ARID1A: variants seen among roughly 807,000 people sequenced by gnomAD.
ARID1A encodes AT-rich interactive domain-containing protein 1A.
A neutral mutation model predicts 212.6 loss-of-function variants in ARID1A; 20 were observed. The ratio of observed to expected loss-of-function variants is 0.09; its 90% confidence interval spans 0.07 to 0.14. The LOEUF is 0.14. Ranked by LOEUF, ARID1A falls within the 10% of genes least tolerant of loss-of-function variation. ARID1A has a pLI of 1.00. For missense variants in ARID1A, 2,587 were observed against 3,059.0 expected (o/e 0.85, Z 3.64); for synonymous variants, 1,376 against 1,222.1 (o/e 1.13, Z -2.63).
rs2124063780 is a variant in ARID1A at position 26,762,237 on chromosome 1, A to G, written c.2337A>G (p.Gly779=). The G allele has an allele frequency of 6.2e-7, 1 of 1,614,058 alleles. No individual in the cohort carries two copies. Among genetic ancestry groups the G allele is most frequent in the Non-Finnish European group, 8.5e-7 (1 of 1,180,006 alleles). The part of the protein sequence containing the change: ...SALSPRQPSG[G]QIHTGMGSYQ... Reference sequence around the variant, plus strand: ...TATCTCCGCGTCAGCCTTCCGGAGGACAGATACACACAGGCATGGGCTCCT... The same window carrying G: ...TATCTCCGCGTCAGCCTTCCGGAGGGCAGATACACACAGGCATGGGCTCCT... Residue 779 remains glycine, a synonymous_variant, in exon 7 of 20, where the codon GGA becomes GGG. Coordinates refer to ENST00000324856, the MANE Select transcript of ARID1A (RefSeq NM_006015.6).
chr1:26,779,054 A>G lies in ARID1A; in HGVS notation c.5156A>G (p.Tyr1719Cys), dbSNP rs925273801. ...GGGTTGCTAGAGCTCCTTGTAGAAT[A>G]TTTCCGACGATGCCTGATTGAGATC... is the stretch of plus-strand genomic sequence containing the variant. ...LPGLLELLVEYFRRCLIEIFG... is the reference protein window; with the variant it reads ...LPGLLELLVECFRRCLIEIFG... Residue 1719 changes from tyrosine to cysteine, a missense_variant, in exon 20 of 20, where the codon TAT becomes TGT. Physicochemically the swap from Tyr to Cys is radical, Grantham distance 194. Around this residue, in one of 11 missense-constraint regions of ARID1A, gnomAD observed 890 missense variants for 1,098.2 expected, o/e 0.81. Transcript: ENST00000324856. 2 of 1,509,234 alleles carry G rather than the reference A, an allele frequency of 1.3e-6. No individual in the cohort carries two copies. Among genetic ancestry groups the G allele is most frequent in the African/African-American group, 2.8e-5 (2 of 71,520 alleles). The allele number at this position is 1,509,234 out of a possible 1,614,324, so 93.5% of individuals were successfully genotyped here.
At chr1:26,764,430 T>G (rs1433050761) in intron 8 of ARID1A, 1 of 152,218 alleles carries the variant, frequency 6.6e-6, no homozygotes, top group Non-Finnish European at 1.5e-5. Context: ...TCTTGGATCT[T>G]TGGTGTTAGA....
intron 4 of ARID1A, among the ~76,000 whole-genome samples, chr1:26,744,063 C>T (rs1168410255): frequency 6.6e-6 from 1 of 152,096 alleles, no homozygotes; most frequent in Non-Finnish European, 1.5e-5. Context: ...CTCAGAGTCT[C>T]GAAAAGGAAA....
chr1:26,744,179 C>CA, intron 4 of ARID1A, among the ~76,000 whole-genome samples: 1 of 152,318 alleles, frequency 6.6e-6, no homozygotes, highest in East Asian at 1.9e-4. Context: ...CTGGACTGGC[C>CA]AATCCGCTTC....
rs999438095 is a variant in ARID1A, at chr1:26,762,429, G to T, written c.2419+110G>T. ...CCTTGTGAGAGAAGGGCTGTCCTTT[G>T]CCTTTAATCCACCCAGCCCAGGCCC... On this transcript the variant is annotated intron_variant, in intron 7 of 19. Coordinates refer to ENST00000324856, the MANE Select transcript of ARID1A (RefSeq NM_006015.6). The T allele has an allele frequency of 5.5e-6, 7 of 1,278,866 alleles. No homozygotes were observed. In the African/African-American group the frequency reaches 1.0e-4, roughly 19 times the overall value. The allele number at this position is 1,278,866 out of a possible 1,614,324, so 79.2% of individuals were successfully genotyped here.
At chr1:26,753,797 G>C (rs1166457563) in intron 4 of ARID1A, among the ~76,000 whole-genome samples, 2 of 152,222 alleles carry the variant, frequency 1.3e-5, no homozygotes, top group Non-Finnish European at 2.9e-5. Flanking sequence ...TGGGAGAATT[G>C]AGAACCTGAG....
chr1:26,766,639 G>C, intron 10 of ARID1A, 73 bp downstream of exon 10: 1 of 1,427,262 alleles, frequency 7.0e-7, no homozygotes. Context: ...AAAAAGAAAA[G>C]AGAGTGACAA....
In ARID1A at chr1:26,741,176, G is replaced by A. The variant is rs1398059898; in HGVS notation, c.1920+8384G>A. Among the ~76,000 whole-genome samples the A allele has an allele frequency of 3.3e-5, 5 of 152,180 alleles. No homozygotes were observed. The East Asian group carries it at 9.6e-4, about 29-fold the overall frequency. On this transcript the variant is annotated intron_variant, in intron 4 of 19. Transcript: ENST00000324856. ...GATGGAGCTCTGGACGATGCCGGAG[G>A]CCATCAGGTAGAAGCAGCCAACAGA... is the stretch of plus-strand genomic sequence containing the variant.
intron 11 of ARID1A, among the ~76,000 whole-genome samples, chr1:26,768,593 G>A (rs1337462287): frequency 6.6e-6 from 1 of 152,194 alleles, no homozygotes; most frequent in Non-Finnish European, 1.5e-5. Context: ...AGGATTTCAG[G>A]AACTGCTTAG....
At chr1:26,778,649 T>C (rs2081159644) in intron 19 of ARID1A, 1 of 167,276 alleles carries the variant, frequency 6.0e-6, no homozygotes, top group African/African-American at 2.4e-5. Context: ...GGCAGTGAGA[T>C]GGAGAGAGTG....
At chr1:26,745,213 T>C (rs1187769562) in intron 4 of ARID1A, among the ~76,000 whole-genome samples, 1 of 152,200 alleles carries the variant, frequency 6.6e-6, no homozygotes, top group African/African-American at 2.4e-5. Context: ...GGGGAACGTC[T>C]ATCTCGGAGC....
intron 8 of ARID1A, chr1:26,765,872 A>T (rs1557610876): frequency 1.7e-5 from 3 of 179,988 alleles, no homozygotes; most frequent in South Asian, 1.6e-4. Flanking sequence ...CTCAAAAAAA[A>T]AAAAAAGAAA....
chr1:26,718,439 C>T (rs1386112343), intron 1 of ARID1A, among the ~76,000 whole-genome samples: 3 of 152,154 alleles, frequency 2.0e-5, no homozygotes, highest in East Asian at 3.8e-4. Context: ...ATCTGTGCGG[C>T]GATATCTTCC....
chr1:26,698,987 T>G (rs2080306964), intron 1 of ARID1A, among the ~76,000 whole-genome samples: 1 of 152,230 alleles, frequency 6.6e-6, no homozygotes, highest in South Asian at 2.1e-4. Flanking sequence ...GAATAGCAGC[T>G]TAATTTAAAG....
At chr1:26,711,114 CTT>C (rs572779178) in intron 1 of ARID1A, among the ~76,000 whole-genome samples, 4 of 144,418 alleles carry the variant, frequency 2.8e-5, no homozygotes, top group African/African-American at 5.0e-5. Context: ...GTCTCTTGCT[CTT>C]TTTTTTTTTT....
In ARID1A at chr1:26,701,175, G is replaced by T. The variant is rs375529163; in HGVS notation, c.1137+3635G>T. On this transcript the variant is annotated intron_variant, in intron 1 of 19. Coordinates refer to ENST00000324856, the MANE Select transcript of ARID1A (RefSeq NM_006015.6). ...AGGGAATAGGCTAACAAAGTAATAGGCAGGGCTCTTTCCTGTTCCCATCCC... is the reference window on the plus strand; with the variant it reads ...AGGGAATAGGCTAACAAAGTAATAGTCAGGGCTCTTTCCTGTTCCCATCCC... Among the ~76,000 whole-genome samples, 17 of 152,142 alleles carry T rather than the reference G, an allele frequency of 1.1e-4. 1 individual carries two copies. Among genetic ancestry groups the T allele is most frequent in the East Asian group, 7.7e-4 (4 of 5,200 alleles).
chr1:26,731,417 C>G lies in ARID1A; in HGVS notation c.1616C>G (p.Ser539Trp), dbSNP rs540644702. 1 of 1,613,894 alleles carries G rather than the reference C, an allele frequency of 6.2e-7. No individual in the cohort carries two copies. Among genetic ancestry groups the G allele is most frequent in the Non-Finnish European group, 8.5e-7 (1 of 1,179,978 alleles). Residue 539 changes from serine (S) to tryptophan (W), a missense_variant, in exon 3 of 20, where the codon TCG becomes TGG. Physicochemically the swap from Ser to Trp is radical, Grantham distance 177. Around this residue, in one of 11 missense-constraint regions of ARID1A, gnomAD observed 674 missense variants for 813.4 expected, o/e 0.83. Transcript: ENST00000324856. ...QSPAPYPSQQ[S>W]TTQQHPQSQP... Reference sequence around the variant, plus strand: ...CCGGCTCCATACCCCTCCCAGCAGTCGACGACACAGCAGCACCCCCAGAGC... The same window carrying G: ...CCGGCTCCATACCCCTCCCAGCAGTGGACGACACAGCAGCACCCCCAGAGC...
intron 11 of ARID1A, 117 bp downstream of exon 11, chr1:26,768,116 TTCTGAG>T: frequency 8.6e-7 from 1 of 1,168,582 alleles, no homozygotes; most frequent in Non-Finnish European, 1.2e-6. Context: ...CTCTCCCGCT[TTCTGAG>T]TCTAATATTG....
intron 1 of ARID1A, among the ~76,000 whole-genome samples, chr1:26,718,418 A>C (rs2080525056): frequency 6.6e-6 from 1 of 152,340 alleles, no homozygotes; most frequent in South Asian, 2.1e-4. Context: ...CATGTACAAT[A>C]GTCCTCCCTT....
Sources: gnomAD v4.1 joint callset for allele counts (sites outside exome capture counted in the v4.1 genomes callset) on GRCh38, gnomAD v4.1.1 for gene constraint, gnomAD v4.1.1 regional missense constraint, MANE v1.5 for transcripts, NCBI Gene and HGNC (gene_info 2026-07-23, HGNC 2026-07-21) for gene names.